The following PCDH15 variants were observed in gnomAD, a reference collection of about 807,000 sequenced individuals.
PCDH15 encodes protocadherin related 15.
A neutral mutation model predicts 178.5 loss-of-function variants in PCDH15; 129 were observed. That is an observed-to-expected ratio of 0.72 (90% CI 0.63 to 0.84). PCDH15 has a LOEUF of 0.84. PCDH15 is among the 40% of genes least tolerant of loss of function. The pLI, the probability that PCDH15 is intolerant of heterozygous loss-of-function variation, is 0.00. For synonymous variants in PCDH15, 800 were observed against 732.0 expected (o/e 1.09, Z -1.50); for missense variants, 2,230 against 2,099.9 (o/e 1.06, Z -1.21).
chr10:54,752,616 T>C lies in PCDH15; in HGVS notation c.-29+48309A>G, dbSNP rs569128285. Among the ~76,000 whole-genome samples, 104 of 152,060 alleles carry C rather than the reference T, an allele frequency of 6.8e-4. 3 individuals carry two copies. In the South Asian group the frequency reaches 0.02, roughly 29 times the overall value. ...AAGTGTATAAATCCCTGCATGAATA[T>C]ATTCAACTCAGTGACTCTATTACAT... On this transcript the variant is annotated intron_variant, in intron 1 of 37. Coordinates refer to ENST00000644397, the MANE Select transcript of PCDH15 (RefSeq NM_001384140.1).
intron 2 of PCDH15, among the ~76,000 whole-genome samples, chr10:55,035,836 G>C (rs1161291239): frequency 3.4e-5 from 5 of 146,938 alleles, no homozygotes; most frequent in Admixed American, 2.7e-4. Context: ...ATGGCCATAG[G>C]GGGTAGCCAG....
intron 2 of PCDH15, among the ~76,000 whole-genome samples, chr10:55,509,213 C>T (rs1184742628): frequency 6.6e-6 from 1 of 151,476 alleles, no homozygotes; most frequent in Non-Finnish European, 1.5e-5. Flanking sequence ...TCTGAAATGC[C>T]CTCAGAAGAT....
chr10:54,175,536 G>A (rs1480164307), intron 13 of PCDH15, among the ~76,000 whole-genome samples: 1 of 152,084 alleles, frequency 6.6e-6, no homozygotes. Flanking sequence ...AAGCATGCAT[G>A]TGATAGTAGT....
At chr10:55,255,233 G>C (rs1841961583) in intron 1 of PCDH15, among the ~76,000 whole-genome samples, 1 of 40,866 alleles carries the variant, frequency 2.4e-5, no homozygotes. Context: ...ATAGTTTGCT[G>C]AGAATGATGA....
At chr10:54,156,868 G>C (rs1187760516) in intron 13 of PCDH15, among the ~76,000 whole-genome samples, 1 of 152,140 alleles carries the variant, frequency 6.6e-6, no homozygotes, top group Admixed American at 6.6e-5. Flanking sequence ...CAAAACAAAG[G>C]GGCTACAGGC....
intron 8 of PCDH15, among the ~76,000 whole-genome samples, chr10:54,255,950 G>C (rs1224325818): frequency 6.6e-6 from 1 of 152,088 alleles, no homozygotes; most frequent in African/African-American, 2.4e-5. Context: ...ACCCTTACAA[G>C]AATAACTTAA....
chr10:54,090,078 C>T lies in PCDH15; in HGVS notation c.1918-15G>A, dbSNP rs2094574689. ...CGATCAGTTGCCTTCAGAGAGAAAA[C>T]ATAATTCAATTATCAAGTAATTGAT... On this transcript the variant is annotated splice_polypyrimidine_tract_variant and intron_variant, in intron 15 of 37. Transcript: ENST00000644397. 6.3e-7 allele frequency: 1 copy of T among 1,591,446 alleles called. No individual in the cohort carries two copies. The highest frequency in any genetic ancestry group is 1.3e-5 in the African/African-American group (1 of 74,326).
At chr10:55,155,829 T>C (rs575561557) in intron 2 of PCDH15, among the ~76,000 whole-genome samples, 1 of 152,214 alleles carries the variant, frequency 6.6e-6, no homozygotes, top group South Asian at 2.1e-4. Flanking sequence ...CCTTACATAA[T>C]GTTTTGTAAA....
chr10:54,891,102 T>C (rs959200886), intron 3 of PCDH15, among the ~76,000 whole-genome samples: 6 of 152,052 alleles, frequency 3.9e-5, no homozygotes, highest in African/African-American at 1.4e-4. Flanking sequence ...GAGGACATGG[T>C]TGAGAAATAC....
At chr10:55,599,675 C>A (rs1421352375) in intron 2 of PCDH15, 1 of 319,304 alleles carries the variant, frequency 3.1e-6, no homozygotes, top group Non-Finnish European at 5.7e-6. Flanking sequence ...TAATAGACAT[C>A]TTATTATCTT....
chr10:54,933,621 C>A (rs1316332033), intron 2 of PCDH15, among the ~76,000 whole-genome samples: 1 of 151,940 alleles, frequency 6.6e-6, no homozygotes, highest in Non-Finnish European at 1.5e-5. Flanking sequence ...TTTAACAAAT[C>A]CACTTGTTTG....
intron 1 of PCDH15, among the ~76,000 whole-genome samples, chr10:55,304,726 C>T (rs1055508007): frequency 5.3e-5 from 8 of 152,126 alleles, no homozygotes; most frequent in African/African-American, 1.7e-4. Context: ...TAATTCCAGT[C>T]ATTTAATGTA....
chr10:54,005,057 C>A (rs1036496999), intron 20 of PCDH15, among the ~76,000 whole-genome samples: 1 of 151,538 alleles, frequency 6.6e-6, no homozygotes, highest in Non-Finnish European at 1.5e-5. Context: ...AGGAATGTAA[C>A]CAGGGAAAGG....
chr10:55,083,272 C>A (rs1842088635), intron 2 of PCDH15, among the ~76,000 whole-genome samples: 1 of 151,796 alleles, frequency 6.6e-6, no homozygotes, highest in African/African-American at 2.4e-5. Context: ...CAGCATGATA[C>A]CTCATATCAA....
intron 2 of PCDH15, among the ~76,000 whole-genome samples, chr10:55,613,774 G>C (rs895435325): frequency 3.3e-5 from 5 of 152,088 alleles, no homozygotes; most frequent in African/African-American, 4.8e-5. Flanking sequence ...CAAATCATTC[G>C]TAGGACAAGG....
intron 1 of PCDH15, among the ~76,000 whole-genome samples, chr10:54,696,549 G>A (rs1218385900): frequency 6.6e-6 from 1 of 151,986 alleles, no homozygotes; most frequent in African/African-American, 2.4e-5. Context: ...TTCTACTGAG[G>A]GTTAAATGCT....
At chr10:55,199,703 TGGTCCA>T (rs1840189377) in intron 1 of PCDH15, among the ~76,000 whole-genome samples, 1 of 152,062 alleles carries the variant, frequency 6.6e-6, no homozygotes, top group African/African-American at 2.4e-5. Flanking sequence ...AATGGTTTCA[TGGTCCA>T]GGCCCAGGGA....
intron 2 of PCDH15, among the ~76,000 whole-genome samples, chr10:54,584,843 A>G (rs2091335330): frequency 6.6e-6 from 1 of 152,156 alleles, no homozygotes; most frequent in African/African-American, 2.4e-5. Flanking sequence ...CCAAATGTCC[A>G]TTAGCAATGA....
chr10:55,287,919 T>G (rs969102151), intron 1 of PCDH15, among the ~76,000 whole-genome samples: 1 of 151,800 alleles, frequency 6.6e-6, no homozygotes, highest in African/African-American at 2.4e-5. Flanking sequence ...TCTAGCATCA[T>G]GTTTAGGGGT....
Sources: allele counts gnomAD v4.1 joint callset (sites outside exome capture counted in the v4.1 genomes callset), GRCh38; gene constraint gnomAD v4.1.1; transcripts MANE v1.5; gene names NCBI Gene and HGNC (gene_info 2026-07-23, HGNC 2026-07-21).